Variants in GLRX2 observed in about 807,000 individuals in gnomAD.
GLRX2 encodes the protein glutaredoxin 2.
A neutral mutation model predicts 16.4 loss-of-function variants in GLRX2; 12 were observed. The observed-to-expected ratio is 0.73, with a 90% CI of 0.47 to 1.19. The LOEUF is 1.19. GLRX2 is among the 50% of genes most tolerant of loss of function. The probability of loss-of-function intolerance (pLI) is 0.00; values close to 1 mark genes in which losing one functional copy is unlikely to be tolerated. For synonymous variants in GLRX2, 95 were observed against 76.2 expected (o/e 1.25, Z -1.28); for missense variants, 201 against 201.8 (o/e 1.00, Z 0.02).
At chr1:193,104,248 G>A (rs1467245084) in intron 1 of GLRX2, among the ~76,000 whole-genome samples, 1 of 152,078 alleles carries the variant, frequency 6.6e-6, no homozygotes, top group Non-Finnish European at 1.5e-5. Context: ...AAACTGTCGC[G>A]AACTATGAAT....
chr1:193,103,302 G>A (rs986954531), intron 1 of GLRX2, among the ~76,000 whole-genome samples: 7 of 152,308 alleles, frequency 4.6e-5, no homozygotes, highest in African/African-American at 1.7e-4. Flanking sequence ...GCAAGTTACA[G>A]CCACAAGGTA....
chr1:193,100,856 A>C (rs1316785020), intron 2 of GLRX2, among the ~76,000 whole-genome samples: 1 of 152,214 alleles, frequency 6.6e-6, no homozygotes, highest in South Asian at 2.1e-4. Context: ...TCAACACTAG[A>C]CCTCAAGTGG....
At chr1:193,105,198 G>T (rs947557478) in intron 1 of GLRX2, 66 bp downstream of exon 1, 2 of 1,482,834 alleles carry the variant, frequency 1.3e-6, no homozygotes. Context: ...TCCGCCCACC[G>T]CTTTCTCCAG....
chr1:193,096,774 AAAG>A lies in GLRX2; in HGVS notation c.361-18_361-16del, dbSNP rs1334818564. 14 of 1,594,248 alleles carry A rather than the reference AAAG, an allele frequency of 8.8e-6. No homozygotes were observed. Among genetic ancestry groups the A allele is most frequent in the Non-Finnish European group, 1.1e-5 (13 of 1,170,272 alleles). Reference sequence around the variant, plus strand: ...ATTCTTGGAACCTGTTGGACAAACAAAAGAAGAATTAGGCTTTACTCTAGTATC... The same window carrying A: ...ATTCTTGGAACCTGTTGGACAAACAAAAGAATTAGGCTTTACTCTAGTATC... On this transcript the variant is annotated splice_polypyrimidine_tract_variant and intron_variant, in intron 3 of 3. Transcript: ENST00000367439.
chr1:193,102,346 G>A (rs79651425), intron 1 of GLRX2, among the ~76,000 whole-genome samples: 3,204 of 152,024 alleles, frequency 0.021, 109 homozygotes, highest in African/African-American at 0.074. Flanking sequence ...AAACTGGATA[G>A]CATGAAATAT....
rs1038966499 is a variant in GLRX2 at position 193,097,819 on chromosome 1, T to G, written c.184-59A>C. 46 of 1,203,674 alleles carry G rather than the reference T, an allele frequency of 3.8e-5. No homozygotes were observed. In the Admixed American group the frequency reaches 1.2e-3, roughly 32 times the overall value. The allele number at this position is 1,203,674 out of a possible 1,614,324, so 74.6% of individuals were successfully genotyped here. A position where few individuals can be genotyped will look rare whatever the true frequency, so the allele number is the denominator to read the frequency against. ...TAGACATTACCATTTGGAAATAAATTAAGATATAATGGAAAGGGTATGGAT... is the reference window on the plus strand; with the variant it reads ...TAGACATTACCATTTGGAAATAAATGAAGATATAATGGAAAGGGTATGGAT... On this transcript the variant is annotated intron_variant, in intron 2 of 3. Coordinates refer to ENST00000367439, the MANE Select transcript of GLRX2 (RefSeq NM_197962.3).
chr1:193,099,355 T>C lies in GLRX2; in HGVS notation c.184-1595A>G, dbSNP rs375487156. 2.6e-5 allele frequency among the ~76,000 whole-genome samples: 4 copies of C among 152,292 alleles called. No individual in the cohort carries two copies. The South Asian group carries it at 8.3e-4, about 32-fold the overall frequency. On this transcript the variant is annotated intron_variant, in intron 2 of 3. Transcript: ENST00000367439. ...GGTTTTTTTTTGTTTTGTTTTGTTTTTGTTTGAGACAGTCTTACTCTGTCG... is the reference window on the plus strand; with the variant it reads ...GGTTTTTTTTTGTTTTGTTTTGTTTCTGTTTGAGACAGTCTTACTCTGTCG...
At chr1:193,100,682 G>A (rs1312856666) in intron 2 of GLRX2, among the ~76,000 whole-genome samples, 2 of 152,158 alleles carry the variant, frequency 1.3e-5, no homozygotes, top group African/African-American at 2.4e-5. Context: ...CAGAATTAAC[G>A]AAGCTTCTCA....
At position 193,105,328 on chromosome 1, in the gene GLRX2, C is replaced by A; in HGVS notation, c.55G>T (p.Gly19Cys). ...AGTRLVWSRS[G>C]SAGWLDRAAG... ...GCCCTGTCAAGCCAGCCTGCCGAGC[C>A]GCTCCTGCTCCAAACCAGCCGCGTC... Residue 19 changes from glycine to cysteine, a missense_variant, in exon 1 of 4, where the codon GGC becomes TGC. By Grantham distance (159) the Gly-to-Cys change is radical. Coordinates refer to ENST00000367439, the MANE Select transcript of GLRX2 (RefSeq NM_197962.3). 2 of 1,545,452 alleles carry A rather than the reference C, an allele frequency of 1.3e-6. No individual in the cohort carries two copies. The highest frequency in any genetic ancestry group is 2.4e-5 in the South Asian group (2 of 84,998).
intron 1 of GLRX2, 168 bp downstream of exon 1, chr1:193,105,096 C>A (rs1018817522): frequency 1.3e-5 from 9 of 701,282 alleles, no homozygotes; most frequent in Non-Finnish European, 1.6e-5. Flanking sequence ...GGCACCCTTC[C>A]CTGCCCATCC....
chr1:193,105,270 GCCGCAGCTGCCGCAGCTC>G lies in GLRX2; in HGVS notation c.95_112del (p.Gly32_Ala37del). The G allele has an allele frequency of 6.5e-7, 1 of 1,527,550 alleles. No individual in the cohort carries two copies. The allele number at this position is 1,527,550 out of a possible 1,614,324, so 94.6% of individuals were successfully genotyped here. On this transcript the variant is annotated inframe_deletion, in exon 1 of 4. Coordinates refer to ENST00000367439, the MANE Select transcript of GLRX2 (RefSeq NM_197962.3). ...CTGCCCGCTGACCCCGTACCCAGAG[GCCGCAGCTGCCGCAGCTC>G]CCGCAGCTCCCGCCGCCCTGTCAAG...
intron 1 of GLRX2, 69 bp from the exon 2 acceptor site, chr1:193,101,273 G>T: frequency 9.6e-7 from 1 of 1,039,342 alleles, no homozygotes; most frequent in Non-Finnish European, 1.5e-6. Context: ...AGTTTTATTT[G>T]AAAAAAATCA....
Position 193,096,709 on chromosome 1 carries a change from A to G in GLRX2, c.411T>C (p.Thr137=). The change falls in exon 4 of 4, where the codon ACT becomes ACC. Residue 137 remains threonine (T), a synonymous_variant. Coordinates refer to ENST00000367439, the MANE Select transcript of GLRX2 (RefSeq NM_197962.3). ...ATTTTCCTTCTTTGTGAAGCCTATG[A>G]GTGTCAGTTGCACCTCCAATAAAAG... The part of the protein sequence containing the change: ...NGTFIGGATD[T]HRLHKEGKLL... The G allele has an allele frequency of 6.2e-7, 1 of 1,608,820 alleles. No individual in the cohort carries two copies. Among genetic ancestry groups the G allele is most frequent in the South Asian group, 1.1e-5 (1 of 90,826 alleles).
At chr1:193,099,906 G>A (rs1479137869) in intron 2 of GLRX2, among the ~76,000 whole-genome samples, 1 of 152,158 alleles carries the variant, frequency 6.6e-6, no homozygotes, top group Non-Finnish European at 1.5e-5. Context: ...CTAAGGCTGA[G>A]TGGTTCGTAA....
intron 1 of GLRX2, among the ~76,000 whole-genome samples, chr1:193,105,050 G>C (rs574743486): frequency 6.6e-6 from 1 of 152,196 alleles, no homozygotes; most frequent in Non-Finnish European, 1.5e-5. Context: ...TTCAACGCGA[G>C]AGTCACAGGC....
At chr1:193,101,453 G>A (rs1558267693) in intron 1 of GLRX2, among the ~76,000 whole-genome samples, 1 of 152,264 alleles carries the variant, frequency 6.6e-6, no homozygotes, top group East Asian at 1.9e-4. Context: ...CATATTTACT[G>A]TGTTTAAAGC....
chr1:193,098,675 C>T (rs1436690548), intron 2 of GLRX2, among the ~76,000 whole-genome samples: 2 of 152,044 alleles, frequency 1.3e-5, no homozygotes, highest in African/African-American at 2.4e-5. Context: ...CCTCAGCCTC[C>T]CGAGTAGTTA....
intron 1 of GLRX2, among the ~76,000 whole-genome samples, chr1:193,104,070 T>C (rs1675133633): frequency 6.6e-6 from 1 of 152,190 alleles, no homozygotes; most frequent in Non-Finnish European, 1.5e-5. Flanking sequence ...TAAACTGTCA[T>C]ACCCAAACCA....
upstream of GLRX2, chr1:193,105,504 C>T (rs34533242): frequency 2.0e-5 from 30 of 1,523,190 alleles, no homozygotes; most frequent in Non-Finnish European, 2.5e-5. Flanking sequence ...CTGCCCGCGC[C>T]GCCGCCGGTC....
Sources: allele counts gnomAD v4.1 joint callset (sites outside exome capture counted in the v4.1 genomes callset), GRCh38; gene constraint gnomAD v4.1.1; transcripts MANE v1.5; gene names NCBI Gene and HGNC (gene_info 2026-07-23, HGNC 2026-07-21).